Variants in KIAA1217 observed in about 807,000 individuals in gnomAD.
The protein encoded by KIAA1217 is KIAA1217.
Under a neutral mutation model 163.9 loss-of-function variants are expected in KIAA1217, and 88 were observed. That is an observed-to-expected ratio of 0.54 (90% CI 0.45 to 0.64). The LOEUF is 0.64. Ranked by LOEUF, KIAA1217 falls within the 30% of genes least tolerant of loss-of-function variation. KIAA1217 has a pLI of 0.00. For missense variants in KIAA1217, 2,372 were observed against 2,475.0 expected (o/e 0.96, Z 0.88); for synonymous variants, 903 against 923.1 (o/e 0.98, Z 0.39).
intron 1 of KIAA1217, among the ~76,000 whole-genome samples, chr10:23,761,683 C>T (rs866031150): frequency 4.6e-5 from 7 of 152,156 alleles, no homozygotes; most frequent in South Asian, 4.1e-4. Context: ...ACTATATGGT[C>T]GATTTTAGAA....
At chr10:23,942,418 C>T (rs985720332) in intron 1 of KIAA1217, among the ~76,000 whole-genome samples, 11 of 152,084 alleles carry the variant, frequency 7.2e-5, no homozygotes, top group Admixed American at 2.6e-4. Context: ...TTGTAAAATC[C>T]TCTGGCTAGG....
chr10:23,969,297 A>G (rs1324371429), intron 1 of KIAA1217, among the ~76,000 whole-genome samples: 2 of 152,202 alleles, frequency 1.3e-5, no homozygotes, highest in Non-Finnish European at 1.5e-5. Flanking sequence ...CGCCTCCCCA[A>G]GTGCTGGGAT....
rs2064963320 is a variant in KIAA1217 at position 24,158,151 on chromosome 10, T to A, written c.-170-61475T>A. 5.3e-6 allele frequency: 4 copies of A among 751,464 alleles called. No individual in the cohort carries two copies. The East Asian group carries it at 9.9e-5, about 19-fold the overall frequency. The allele number at this position is 751,464 out of a possible 1,614,324, so 46.5% of individuals were successfully genotyped here. A position where few individuals can be genotyped will look rare whatever the true frequency, so the allele number is the denominator to read the frequency against. ...AGCCTGGGATTTGGATCAACACCTT[T>A]AACTTCAAGAAGACAGCCAAACATT... On this transcript the variant is annotated intron_variant, in intron 2 of 18. Coordinates refer to the KIAA1217 transcript ENST00000376462.
chr10:23,712,735 T>C (rs1207374250), intron 1 of KIAA1217, among the ~76,000 whole-genome samples: 2 of 152,156 alleles, frequency 1.3e-5, no homozygotes, highest in Non-Finnish European at 2.9e-5. Context: ...TTAGTTCTAC[T>C]TTTTAATACA....
At chr10:24,024,603 C>T (rs1374798799) in intron 2 of KIAA1217, among the ~76,000 whole-genome samples, 1 of 151,550 alleles carries the variant, frequency 6.6e-6, no homozygotes, top group African/African-American at 2.4e-5. Context: ...ATTGCTGGGT[C>T]ATAAATAAAT....
intron 2 of KIAA1217, among the ~76,000 whole-genome samples, chr10:24,285,007 A>G (rs746824214): frequency 7.2e-5 from 11 of 152,050 alleles, no homozygotes; most frequent in Non-Finnish European, 1.0e-4. Context: ...TTTTTTTCAT[A>G]TGCTTGTTGG....
chr10:24,520,093 C>T, intron 10 of KIAA1217, 30 bp from the exon 11 acceptor site: 5 of 1,607,778 alleles, frequency 3.1e-6, no homozygotes, highest in Non-Finnish European at 4.2e-6. Flanking sequence ...TCGTGTTCAG[C>T]TCTATGTGCT....
At chr10:24,173,321 G>C (rs562536064) in intron 2 of KIAA1217, among the ~76,000 whole-genome samples, 19 of 152,018 alleles carry the variant, frequency 1.2e-4, no homozygotes, top group Non-Finnish European at 2.6e-4. Flanking sequence ...CTGATTCTAC[G>C]TGATGGTGAG....
intron 2 of KIAA1217, among the ~76,000 whole-genome samples, chr10:24,024,145 TA>T (rs1263856155): frequency 1.3e-5 from 2 of 151,724 alleles, no homozygotes; most frequent in Non-Finnish European, 3.0e-5. Context: ...TATTGAGCTA[TA>T]ATTTATAAAT....
chr10:24,161,404 G>C (rs957540134), intron 2 of KIAA1217, among the ~76,000 whole-genome samples: 1 of 152,160 alleles, frequency 6.6e-6, no homozygotes, highest in Non-Finnish European at 1.5e-5. Context: ...GTCATCATTA[G>C]TCTTGCCTTT....
intron 3 of KIAA1217, among the ~76,000 whole-genome samples, chr10:24,424,143 A>C (rs1307380621): frequency 6.6e-6 from 1 of 152,138 alleles, no homozygotes; most frequent in Non-Finnish European, 1.5e-5. Flanking sequence ...TTTGCAAGGC[A>C]ATTGTCATCA....
intron 1 of KIAA1217, among the ~76,000 whole-genome samples, chr10:23,843,158 A>C (rs1433631237): frequency 6.6e-6 from 1 of 152,178 alleles, no homozygotes; most frequent in Admixed American, 6.5e-5. Context: ...GATTTAGTCT[A>C]TCTTACTATG....
In KIAA1217 at chr10:23,706,273, C is replaced by T. The variant is rs573962063; in HGVS notation, c.-321+11039C>T. Among the ~76,000 whole-genome samples the T allele has an allele frequency of 1.1e-3, 171 of 152,128 alleles. 1 individual carries two copies. The highest frequency in any genetic ancestry group is 2.5e-3 in the South Asian group (12 of 4,816). The stretch of plus-strand genomic sequence containing the variant: ...CCTCCCTCCCTTTTTTACTTCCTTG[C>T]CTAATTGTCCTCGCTAGGTCCTGTA... On this transcript the variant is annotated intron_variant, in intron 1 of 18. Coordinates refer to the KIAA1217 transcript ENST00000376462.
At chr10:24,290,203 G>A (rs1220371045) in intron 2 of KIAA1217, among the ~76,000 whole-genome samples, 1 of 152,108 alleles carries the variant, frequency 6.6e-6, no homozygotes, top group Non-Finnish European at 1.5e-5. Context: ...AAAAATTGGA[G>A]GGAAGAGAGA....
chr10:24,081,903 CTTG>C (rs2061550273), intron 2 of KIAA1217, among the ~76,000 whole-genome samples: 1 of 152,052 alleles, frequency 6.6e-6, no homozygotes, highest in Non-Finnish European at 1.5e-5. Flanking sequence ...TCTAGTGTCC[CTTG>C]TTGTAGAAGC....
At chr10:24,256,478 T>C (rs1157254269) in intron 2 of KIAA1217, among the ~76,000 whole-genome samples, 2 of 152,178 alleles carry the variant, frequency 1.3e-5, no homozygotes, top group Non-Finnish European at 2.9e-5. Context: ...TGCTATCTGA[T>C]GCCTCATTCC....
chr10:24,181,739 A>C (rs1265593347), intron 2 of KIAA1217, among the ~76,000 whole-genome samples: 1 of 152,160 alleles, frequency 6.6e-6, no homozygotes, highest in Non-Finnish European at 1.5e-5. Context: ...GATTCTTAGG[A>C]GATAGATTAG....
intron 2 of KIAA1217, among the ~76,000 whole-genome samples, chr10:24,343,020 C>T (rs2047292580): frequency 6.6e-6 from 1 of 152,110 alleles, no homozygotes; most frequent in Non-Finnish European, 1.5e-5. Context: ...AAATCAGTTC[C>T]CTATGCTAAT....
intron 1 of KIAA1217, among the ~76,000 whole-genome samples, chr10:23,934,561 A>ATATATATATATATATATATATATATATG (rs1843400029): frequency 3.1e-5 from 1 of 31,988 alleles, no homozygotes. Context: ...TTTAAAGTAT[A>ATATATATATATATATATATATATATATG]TATATATATA....
Sources: gnomAD v4.1 joint callset for allele counts (sites outside exome capture counted in the v4.1 genomes callset) on GRCh38, gnomAD v4.1.1 for gene constraint, MANE v1.5 for transcripts, NCBI Gene and HGNC (gene_info 2026-07-23, HGNC 2026-07-21) for gene names.